The following CSMD2 variants were observed in gnomAD, a reference collection of about 807,000 sequenced individuals.
CSMD2 encodes the protein CUB and sushi domain-containing protein 2.
CSMD2 carries 130 observed loss-of-function variants against 398.5 expected under a neutral mutation model. The ratio of observed to expected loss-of-function variants is 0.33; its 90% CI spans 0.28 to 0.38. The LOEUF (loss-of-function observed/expected upper bound fraction) is 0.38, where lower values mean the gene tolerates loss of function less well. Ranked by LOEUF, CSMD2 falls within the 10% of genes least tolerant of loss-of-function variation. CSMD2 has a pLI of 1.00. For missense variants in CSMD2, 3,829 were observed against 4,764.9 expected (o/e 0.80, Z 5.78); for synonymous variants, 1,828 against 1,908.5 (o/e 0.96, Z 1.10).
intron 1 of CSMD2, among the ~76,000 whole-genome samples, chr1:34,127,966 C>T (rs1455560767): frequency 1.3e-5 from 2 of 152,046 alleles, no homozygotes; most frequent in African/African-American, 4.8e-5. Flanking sequence ...ACCACCACAC[C>T]CATCGTCCCA....
chr1:33,602,584 C>T (rs370442316), intron 42 of CSMD2, 38 bp from the exon 43 acceptor site: 64 of 1,489,520 alleles, frequency 4.3e-5, no homozygotes, highest in African/African-American at 8.5e-5. Flanking sequence ...TGCAGGGCCT[C>T]GGTACCCACC....
chr1:33,693,919 C>T (rs7519746), intron 24 of CSMD2, among the ~76,000 whole-genome samples: 59,575 of 151,762 alleles, frequency 0.39, 11,769 homozygotes, highest in East Asian at 0.47. Context: ...ATTAGCCAGG[C>T]GTGGTGGTAC....
chr1:33,777,338 C>A (rs1652131696), intron 12 of CSMD2, among the ~76,000 whole-genome samples: 1 of 152,168 alleles, frequency 6.6e-6, no homozygotes, highest in Admixed American at 6.5e-5. Context: ...AGTTTGGGAG[C>A]TCCTTCCAGG....
chr1:33,944,458 G>A (rs959943004), intron 3 of CSMD2, among the ~76,000 whole-genome samples: 2 of 152,122 alleles, frequency 1.3e-5, no homozygotes, highest in Non-Finnish European at 2.9e-5. Context: ...GCATTGTGCT[G>A]ACTGCAGGGA....
At chr1:34,077,087 G>T (rs1179606683) in intron 2 of CSMD2, among the ~76,000 whole-genome samples, 1 of 151,006 alleles carries the variant, frequency 6.6e-6, no homozygotes, top group Non-Finnish European at 1.5e-5. Flanking sequence ...CTAGGATTGG[G>T]GTAGGGAGGT....
At chr1:33,617,888 C>A (rs1641497026) in intron 37 of CSMD2, among the ~76,000 whole-genome samples, 2 of 152,186 alleles carry the variant, frequency 1.3e-5, no homozygotes, top group African/African-American at 4.8e-5. Flanking sequence ...TGTCCACTCA[C>A]TGAGCTCTTA....
chr1:33,827,428 T>C (rs7519331), intron 6 of CSMD2, among the ~76,000 whole-genome samples: 119,358 of 151,964 alleles, frequency 0.79, 47,721 homozygotes, highest in East Asian at 0.94. Flanking sequence ...AAAAGGCCTT[T>C]CCTCAGGTAT....
chr1:33,725,666 T>C, intron 16 of CSMD2, 130 bp from the exon 17 acceptor site: 1 of 723,336 alleles, frequency 1.4e-6, no homozygotes, highest in East Asian at 2.7e-5. Context: ...TTTAATATAA[T>C]TTGCACACAT....
chr1:33,938,503 G>T (rs1644555474), intron 3 of CSMD2, among the ~76,000 whole-genome samples: 1 of 149,750 alleles, frequency 6.7e-6, no homozygotes, highest in South Asian at 2.1e-4. Context: ...CCTGCTGCTG[G>T]TTTACTTGGC....
intron 53 of CSMD2, 128 bp downstream of exon 53, chr1:33,567,465 A>C (rs1570756471): frequency 1.9e-6 from 1 of 518,272 alleles, no homozygotes; most frequent in Non-Finnish European, 2.9e-6. Flanking sequence ...GTTTTGAAAA[A>C]AAAAATAGCA....
In CSMD2 at chr1:33,557,790, G is replaced by A. The variant is rs1557532624; in HGVS notation, c.8687C>T (p.Pro2896Leu). The A allele has an allele frequency of 3.9e-6, 6 of 1,536,062 alleles. No homozygotes were observed. Among genetic ancestry groups the A allele is most frequent in the Middle Eastern group, 3.3e-4 (2 of 5,990 alleles). The change falls in exon 55 of 71, where the codon CCA (proline) becomes CTA (leucine). Residue 2896 changes from proline to leucine, a missense_variant. Physicochemically the swap from Pro to Leu is moderately conservative, Grantham distance 98. This residue lies in a region of CSMD2 where 917 missense variants were observed against 1,199.5 expected (regional missense o/e 0.76). Transcript: ENST00000373381. ...GCCATCTCCCTGGCAGCTGAGCACTGGGGTGCCCAGGAGGTAGAAGCCGTG... is the reference window on the plus strand; with the variant it reads ...GCCATCTCCCTGGCAGCTGAGCACTAGGGTGCCCAGGAGGTAGAAGCCGTG... ...CNHGFYLLGT[P>L]VLSCQGDGTW...
intron 5 of CSMD2, among the ~76,000 whole-genome samples, chr1:33,860,257 G>T (rs906188727): frequency 3.3e-5 from 5 of 152,114 alleles, no homozygotes; most frequent in African/African-American, 1.2e-4. Flanking sequence ...CCTTGCCCTG[G>T]TTTTTTAAAA....
intron 5 of CSMD2, among the ~76,000 whole-genome samples, chr1:33,909,539 T>C (rs1167306103): frequency 6.6e-6 from 1 of 152,126 alleles, no homozygotes; most frequent in East Asian, 1.9e-4. Context: ...TCTCCACCAT[T>C]GCATTCCCAG....
chr1:34,092,692 T>C (rs1308471573), intron 1 of CSMD2, among the ~76,000 whole-genome samples: 1 of 151,800 alleles, frequency 6.6e-6, no homozygotes, highest in African/African-American at 2.4e-5. Flanking sequence ...AATACTGCGC[T>C]TTTCCGACGG....
At chr1:34,055,239 C>T (rs568458941) in intron 2 of CSMD2, among the ~76,000 whole-genome samples, 35 of 152,340 alleles carry the variant, frequency 2.3e-4, no homozygotes, top group East Asian at 7.7e-4. Flanking sequence ...TCTCACTCTA[C>T]GACAATCAAC....
chr1:34,017,307 C>T (rs1034724362), intron 3 of CSMD2, among the ~76,000 whole-genome samples: 5 of 152,220 alleles, frequency 3.3e-5, no homozygotes, highest in East Asian at 1.9e-4. Flanking sequence ...CAATGCAGAA[C>T]GAATCCTTAT....
chr1:34,085,429 C>G (rs1657763319), intron 2 of CSMD2, among the ~76,000 whole-genome samples: 1 of 151,852 alleles, frequency 6.6e-6, no homozygotes, highest in Non-Finnish European at 1.5e-5. Context: ...CCCTTCCACA[C>G]TAACAATGAT....
At chr1:34,019,811 AG>A (rs1310144458) in intron 3 of CSMD2, among the ~76,000 whole-genome samples, 4 of 152,034 alleles carry the variant, frequency 2.6e-5, no homozygotes, top group African/African-American at 9.7e-5. Context: ...CCCTCAAGCC[AG>A]TTCAGCTCCG....
In CSMD2 at chr1:33,653,521, T is replaced by C. The variant is rs76343486; in HGVS notation, c.4448-1060A>G. 9.1e-3 allele frequency among the ~76,000 whole-genome samples: 1,387 copies of C among 152,230 alleles called. 22 individuals carry two copies. The highest frequency in any genetic ancestry group is 0.031 in the African/African-American group (1,292 of 41,536). ...TGTGTGTACCTCAGTTGTATGGAGC[T>C]ATTATTAATCCCCAATCAGTCTACG... is the stretch of plus-strand genomic sequence containing the variant. On this transcript the variant is annotated intron_variant, in intron 27 of 70. Transcript: ENST00000373381.
Sources: gnomAD v4.1 joint callset for allele counts (sites outside exome capture counted in the v4.1 genomes callset) on GRCh38, gnomAD v4.1.1 for gene constraint, gnomAD v4.1.1 regional missense constraint, MANE v1.5 for transcripts, NCBI Gene and HGNC (gene_info 2026-07-23, HGNC 2026-07-21) for gene names.